The following KSR2 variants were observed in gnomAD, a reference collection of about 807,000 sequenced individuals.
KSR2 encodes kinase suppressor of ras 2.
Under a neutral mutation model 107.8 loss-of-function variants are expected in KSR2, and 25 were observed. The observed-to-expected ratio is 0.23, with a 90% CI of 0.17 to 0.32. The LOEUF (loss-of-function observed/expected upper bound fraction) is 0.32. KSR2 is among the 10% of genes least tolerant of loss of function. The pLI, the probability that KSR2 is intolerant of heterozygous loss-of-function variation, is 1.00. For missense variants in KSR2, 887 were observed against 1,268.9 expected (o/e 0.70, Z 4.57); for synonymous variants, 480 against 507.0 (o/e 0.95, Z 0.71).
At chr12:117,654,884 T>C (rs7306827) in intron 5 of KSR2, among the ~76,000 whole-genome samples, 121,320 of 152,192 alleles carry the variant, frequency 0.8, 48,469 homozygotes, top group South Asian at 0.88. Flanking sequence ...CCCCTGTCAT[T>C]GCCCAATGTG....
At chr12:117,949,559 G>C (rs1299705472) in intron 1 of KSR2, among the ~76,000 whole-genome samples, 1 of 152,160 alleles carries the variant, frequency 6.6e-6, no homozygotes, top group Non-Finnish European at 1.5e-5. Context: ...GTGGGCAAAA[G>C]AACTATTCTA....
chr12:117,968,265 T>C lies in KSR2; in HGVS notation c.-10A>G, dbSNP rs771171269. 2 of 1,234,506 alleles carry C rather than the reference T, an allele frequency of 1.6e-6. No individual in the cohort carries two copies. The highest frequency in any genetic ancestry group is 3.3e-5 in the African/African-American group (2 of 60,598). The allele number at this position is 1,234,506 out of a possible 1,614,324, so 76.5% of individuals were successfully genotyped here. A position where few individuals can be genotyped will look rare whatever the true frequency, so the allele number is the denominator to read the frequency against. ...TGTTTTCCTCATCCATCGCTTGCTC[T>C]GCAACCCCCTTCCCCTCCTCCTCCT... On this transcript the variant is annotated 5_prime_UTR_variant, in exon 1 of 20. Transcript: ENST00000339824.
At chr12:117,704,394 CTT>C (rs1886440215) in intron 4 of KSR2, among the ~76,000 whole-genome samples, 1 of 152,138 alleles carries the variant, frequency 6.6e-6, no homozygotes, top group Admixed American at 6.5e-5. Flanking sequence ...TCTACAGTCT[CTT>C]TAATAATTGA....
intron 3 of KSR2, among the ~76,000 whole-genome samples, chr12:117,786,727 A>G (rs1378330626): frequency 1.3e-5 from 2 of 152,130 alleles, no homozygotes; most frequent in Non-Finnish European, 2.9e-5. Context: ...GAGGCAGGAG[A>G]ATCACATGCA....
At chr12:117,587,972 T>C (rs189264027) in intron 5 of KSR2, among the ~76,000 whole-genome samples, 100 of 152,246 alleles carry the variant, frequency 6.6e-4, no homozygotes, top group African/African-American at 2.3e-3. Context: ...CCCCAACCCC[T>C]ACCCAGGTCC....
intron 9 of KSR2, among the ~76,000 whole-genome samples, chr12:117,553,127 A>C (rs1314313928): frequency 1.3e-5 from 2 of 152,258 alleles, no homozygotes; most frequent in Non-Finnish European, 2.9e-5. Context: ...TCAGTCTCAC[A>C]GCTAATAAGC....
chr12:117,938,247 A>G lies in KSR2; in HGVS notation c.180+29829T>C, dbSNP rs142587881. Among the ~76,000 whole-genome samples the G allele has an allele frequency of 3.9e-3, 599 of 152,282 alleles. 3 individuals carry two copies. The highest frequency in any genetic ancestry group is 0.013 in the South Asian group (63 of 4,824). On this transcript the variant is annotated intron_variant, in intron 1 of 19. Transcript: ENST00000339824. ...GACGTGCAACACATATTTGTACATC[A>G]TTATTTCCACACATGCCAGACTGAC...
chr12:117,963,085 G>A (rs986837399), intron 1 of KSR2, among the ~76,000 whole-genome samples: 1 of 152,008 alleles, frequency 6.6e-6, no homozygotes, highest in Non-Finnish European at 1.5e-5. Context: ...AGCTACTCAG[G>A]AGGCCGAGAC....
chr12:117,791,361 T>A (rs1246621575), intron 3 of KSR2, among the ~76,000 whole-genome samples: 11 of 152,222 alleles, frequency 7.2e-5, no homozygotes, highest in Admixed American at 2.6e-4. Context: ...TTCACAGCCC[T>A]GAGTCATTCT....
chr12:117,691,567 C>A (rs57127777), intron 4 of KSR2, among the ~76,000 whole-genome samples: 31 of 152,320 alleles, frequency 2.0e-4, no homozygotes, highest in East Asian at 1.9e-3. Flanking sequence ...CCACTGAAGG[C>A]CATGCCGGGT....
intron 3 of KSR2, among the ~76,000 whole-genome samples, chr12:117,782,115 C>T (rs1280374253): frequency 6.6e-6 from 1 of 152,160 alleles, no homozygotes; most frequent in Non-Finnish European, 1.5e-5. Context: ...TTATTGAGTG[C>T]ATACTATGGA....
chr12:117,952,155 T>A (rs1896380020), intron 1 of KSR2, among the ~76,000 whole-genome samples: 2 of 147,310 alleles, frequency 1.4e-5, no homozygotes, highest in African/African-American at 2.5e-5. Flanking sequence ...AATGTTCTCA[T>A]CACACACACA....
chr12:117,579,882 C>T (rs996982994), intron 6 of KSR2, among the ~76,000 whole-genome samples: 1 of 152,172 alleles, frequency 6.6e-6, no homozygotes, highest in Non-Finnish European at 1.5e-5. Context: ...GATAAACCAA[C>T]TGGAGCAGAG....
chr12:117,521,062 C>T (rs1439032845), intron 14 of KSR2, among the ~76,000 whole-genome samples: 1 of 152,176 alleles, frequency 6.6e-6, no homozygotes, highest in Non-Finnish European at 1.5e-5. Context: ...CCTTCCTCCA[C>T]CAGGCTTGAG....
At chr12:117,638,622 G>T (rs1332893403) in intron 5 of KSR2, among the ~76,000 whole-genome samples, 2 of 152,190 alleles carry the variant, frequency 1.3e-5, no homozygotes, top group Non-Finnish European at 2.9e-5. Flanking sequence ...TACATGTGAG[G>T]TTTCCCACAG....
chr12:117,784,708 A>G (rs1390303449), intron 3 of KSR2, among the ~76,000 whole-genome samples: 1 of 152,192 alleles, frequency 6.6e-6, no homozygotes, highest in East Asian at 1.9e-4. Context: ...CAACAAGACA[A>G]GAGGCTAAAA....
intron 3 of KSR2, among the ~76,000 whole-genome samples, chr12:117,770,666 T>C (rs1474885256): frequency 6.6e-6 from 1 of 151,806 alleles, no homozygotes; most frequent in Non-Finnish European, 1.5e-5. Flanking sequence ...CCCTGTAAAG[T>C]AGATGTTATT....
chr12:117,552,625 C>T (rs958290445), intron 9 of KSR2, among the ~76,000 whole-genome samples: 4 of 152,160 alleles, frequency 2.6e-5, no homozygotes, highest in African/African-American at 9.7e-5. Flanking sequence ...TCAACCCAGC[C>T]CAGGCACCAG....
chr12:117,769,313 C>T (rs1889354160), intron 3 of KSR2, among the ~76,000 whole-genome samples: 1 of 152,002 alleles, frequency 6.6e-6, no homozygotes. Context: ...GAGTAAACAT[C>T]CCATGACCCT....
Sources: gnomAD v4.1 joint callset for allele counts (sites outside exome capture counted in the v4.1 genomes callset) on GRCh38, gnomAD v4.1.1 for gene constraint, MANE v1.5 for transcripts, NCBI Gene and HGNC (gene_info 2026-07-23, HGNC 2026-07-21) for gene names.